The following ANK3 variants were observed in gnomAD, a reference collection of about 807,000 sequenced individuals.
The protein encoded by ANK3 is ankyrin 3, also known as ankyrin-3.
A neutral mutation model predicts 370.9 loss-of-function variants in ANK3; 57 were observed. The ratio of observed to expected loss-of-function variants is 0.15; its 90% CI spans 0.12 to 0.19. The LOEUF (loss-of-function observed/expected upper bound fraction) is 0.19, where lower values mean the gene tolerates loss of function less well. Among genes scored for constraint, ANK3 ranks in the 10% least tolerant of loss-of-function variants. The pLI is 1.00. For synonymous variants in ANK3, 1,929 were observed against 1,946.3 expected (o/e 0.99, Z 0.23); for missense variants, 4,439 against 5,302.1 (o/e 0.84, Z 5.06).
rs370958332 is a variant in ANK3 at position 60,720,560 on chromosome 10, C to CA, written c.57+12702dup. On this transcript the variant is annotated intron_variant, in intron 1 of 43. Transcript: ENST00000373827. ...TCTTGCCAGATTTCTAACACATTTG[C>CA]AAAATCTTATATATCTATATCTGAC... Among the ~76,000 whole-genome samples, 384 of 152,254 alleles carry CA rather than the reference C, an allele frequency of 2.5e-3. 1 individual carries two copies. The highest frequency in any genetic ancestry group is 9.0e-3 in the African/African-American group (372 of 41,542).
At chr10:60,601,663 G>C (rs74155618) in intron 2 of ANK3, among the ~76,000 whole-genome samples, 1,779 of 152,162 alleles carry the variant, frequency 0.012, 33 homozygotes, top group African/African-American at 0.041. Context: ...AAATAAAAAA[G>C]GACATTAGGG....
At chr10:60,077,809 G>A (rs1471196098) in intron 36 of ANK3, among the ~76,000 whole-genome samples, 2 of 152,124 alleles carry the variant, frequency 1.3e-5, no homozygotes, top group Non-Finnish European at 2.9e-5. Context: ...ACCAATTCTG[G>A]TGCCTTCCCA....
intron 2 of ANK3, among the ~76,000 whole-genome samples, chr10:60,563,858 C>A (rs554090249): frequency 1.3e-5 from 2 of 152,228 alleles, no homozygotes. Flanking sequence ...GTAAATCTAT[C>A]TCACTAAGTT....
chr10:60,434,612 T>G (rs1457869468), intron 2 of ANK3, among the ~76,000 whole-genome samples: 1 of 152,228 alleles, frequency 6.6e-6, no homozygotes, highest in Non-Finnish European at 1.5e-5. Flanking sequence ...GCATATGGCC[T>G]TCCTGCACTG....
At chr10:60,646,514 T>C (rs977334863) in intron 1 of ANK3, among the ~76,000 whole-genome samples, 22 of 152,146 alleles carry the variant, frequency 1.4e-4, no homozygotes, top group African/African-American at 5.3e-4. Flanking sequence ...AGTTCTAGAC[T>C]AGCCTAGGCA....
intron 1 of ANK3, among the ~76,000 whole-genome samples, chr10:60,694,505 G>A (rs1014522232): frequency 1.1e-4 from 16 of 151,450 alleles, no homozygotes; most frequent in Admixed American, 3.3e-4. Context: ...GAGAAAGGTC[G>A]GGTTACCCTC....
At chr10:60,273,308 T>A (rs1435239227) in intron 4 of ANK3, among the ~76,000 whole-genome samples, 3 of 152,144 alleles carry the variant, frequency 2.0e-5, no homozygotes, top group Non-Finnish European at 4.4e-5. Flanking sequence ...AGTTACATAC[T>A]TCCTTGTTTT....
chr10:60,610,542 T>C (rs898945326), intron 2 of ANK3, among the ~76,000 whole-genome samples: 6 of 151,596 alleles, frequency 4.0e-5, no homozygotes, highest in African/African-American at 1.5e-4. Context: ...ATCTTCATGG[T>C]TGGTCTCTAA....
At chr10:60,239,321 A>G (rs541557586) in intron 7 of ANK3, among the ~76,000 whole-genome samples, 1 of 152,266 alleles carries the variant, frequency 6.6e-6, no homozygotes, top group South Asian at 2.1e-4. Flanking sequence ...AACAATAAAC[A>G]AACTCCAACT....
intron 1 of ANK3, among the ~76,000 whole-genome samples, chr10:60,356,631 A>T (rs563574554): frequency 1.1e-4 from 16 of 152,300 alleles, no homozygotes; most frequent in African/African-American, 2.9e-4. Context: ...GATTTCCAGG[A>T]GCAGTCTCAC....
chr10:60,203,960 C>T (rs750077854), intron 11 of ANK3, among the ~76,000 whole-genome samples: 22 of 152,158 alleles, frequency 1.4e-4, no homozygotes, highest in Admixed American at 3.3e-4. Context: ...TAGCTTACAA[C>T]ATGAACATCA....
At position 60,371,037 on chromosome 10, in the gene ANK3, C is replaced by T. The variant is rs567236301; in HGVS notation, c.114+18388G>A. Among the ~76,000 whole-genome samples, 16 of 152,230 alleles carry T rather than the reference C, an allele frequency of 1.1e-4. 1 individual carries two copies. Among genetic ancestry groups the T allele is most frequent in the African/African-American group, 2.9e-4 (12 of 41,544 alleles). ...ACATGACATCACTGACAGGTTCTTT[C>T]GGGATCCTTCCTTTCTCTTCCAACC... On this transcript the variant is annotated intron_variant, in intron 1 of 43. Coordinates refer to ENST00000280772, the MANE Select transcript of ANK3 (RefSeq NM_020987.5).
intron 2 of ANK3, among the ~76,000 whole-genome samples, chr10:60,585,653 G>C (rs554894358): frequency 4.6e-5 from 7 of 152,158 alleles, no homozygotes; most frequent in Non-Finnish European, 8.8e-5. Flanking sequence ...GTTATACCTT[G>C]ACAGACCTTT....
chr10:60,177,781 T>C (rs573907558), intron 18 of ANK3, among the ~76,000 whole-genome samples: 66 of 152,078 alleles, frequency 4.3e-4, no homozygotes, highest in Non-Finnish European at 8.1e-4. Flanking sequence ...TGTATTGTTT[T>C]AGTAGAGACG....
At chr10:60,490,636 C>G (rs1191490565) in intron 2 of ANK3, among the ~76,000 whole-genome samples, 2 of 152,190 alleles carry the variant, frequency 1.3e-5, no homozygotes, top group Non-Finnish European at 2.9e-5. Context: ...ATTGCTTCAC[C>G]AATTCTCCCT....
At chr10:60,603,709 A>C (rs191735688) in intron 2 of ANK3, among the ~76,000 whole-genome samples, 1 of 152,300 alleles carries the variant, frequency 6.6e-6, no homozygotes, top group Admixed American at 6.5e-5. Context: ...ACAAGCTATT[A>C]GTTCAAGAAC....
chr10:60,473,173 T>C (rs955924282), intron 2 of ANK3, among the ~76,000 whole-genome samples: 8 of 152,178 alleles, frequency 5.3e-5, no homozygotes, highest in Admixed American at 5.2e-4. Flanking sequence ...GACATGTCTA[T>C]AGACACCCAC....
At chr10:60,390,350 T>C (rs1003362653), upstream of ANK3, among the ~76,000 whole-genome samples, 2 of 152,158 alleles carry the variant, frequency 1.3e-5, no homozygotes, top group African/African-American at 2.4e-5. Context: ...ATGGAACAGA[T>C]GCCTGATTCA....
intron 2 of ANK3, among the ~76,000 whole-genome samples, chr10:60,583,314 A>G (rs2077780929): frequency 6.6e-6 from 1 of 152,170 alleles, no homozygotes; most frequent in Non-Finnish European, 1.5e-5. Flanking sequence ...AGTTATTCTC[A>G]TAGAAGTAGA....
Sources: allele counts gnomAD v4.1 joint callset (sites outside exome capture counted in the v4.1 genomes callset), GRCh38; gene constraint gnomAD v4.1.1; transcripts MANE v1.5; gene names NCBI Gene and HGNC (gene_info 2026-07-23, HGNC 2026-07-21).